The following DORIP1 variants were observed in gnomAD, a reference collection of about 807,000 sequenced individuals.
DORIP1 encodes dopamine receptor-interacting protein 1.
chr14:44,905,274 G>A, the DORIP1 span: 2 of 828,746 alleles, frequency 2.4e-6, no homozygotes, highest in Admixed American at 5.4e-5. Context: ...TACAAACAAT[G>A]TCAATGTTTT....
At chr14:44,900,961 T>C in the DORIP1 span, 1 of 1,558,960 alleles carries the variant, frequency 6.4e-7, no homozygotes, top group East Asian at 2.3e-5. Flanking sequence ...TAATATAAAG[T>C]AAGTTGGTCT....
the DORIP1 span, among the ~76,000 whole-genome samples, chr14:44,902,232 G>A: frequency 3.9e-5 from 6 of 152,048 alleles, no homozygotes; most frequent in Non-Finnish European, 5.9e-5. Flanking sequence ...TTGAACTCCC[G>A]GGCTCAAGTG....
At chr14:44,898,640 T>C in the DORIP1 span, among the ~76,000 whole-genome samples, 2 of 152,222 alleles carry the variant, frequency 1.3e-5, no homozygotes, top group African/African-American at 4.8e-5. Context: ...AATCAGTATC[T>C]ATTACGAAGA....
chr14:44,904,294 A>G, the DORIP1 span: 2 of 1,495,878 alleles, frequency 1.3e-6, no homozygotes, highest in Non-Finnish European at 1.8e-6. Flanking sequence ...CACCTATAAT[A>G]GATAATTATA....
chr14:44,900,705 C>G, the DORIP1 span: 2 of 1,613,998 alleles, frequency 1.2e-6, no homozygotes, highest in African/African-American at 2.7e-5. Flanking sequence ...AGTTTGTAGA[C>G]TGTTTTCTTT....
the DORIP1 span, chr14:44,899,129 AAGG>A: frequency 5.9e-5 from 9 of 152,258 alleles, no homozygotes; most frequent in Admixed American, 2.0e-4. Flanking sequence ...AAGTAAAGTG[AAGG>A]AGTTTTTTCA....
At chr14:44,904,030 A>C in the DORIP1 span, 6 of 983,840 alleles carry the variant, frequency 6.1e-6, no homozygotes, top group South Asian at 2.8e-4. Flanking sequence ...TCTAATGGCA[A>C]AAGGAAGCAA....
chr14:44,900,490 G>A, the DORIP1 span: 1 of 1,573,144 alleles, frequency 6.4e-7, no homozygotes, highest in Non-Finnish European at 8.6e-7. Context: ...CTATAACCAA[G>A]ATCGATCATT....
chr14:44,904,346 C>A, the DORIP1 span: 3 of 1,562,650 alleles, frequency 1.9e-6, no homozygotes, highest in Non-Finnish European at 2.6e-6. Flanking sequence ...GTGTTGAAAG[C>A]CAGCTTTGTC....
chr14:44,905,152 T>C, the DORIP1 span: 2 of 370,088 alleles, frequency 5.4e-6, no homozygotes, highest in Non-Finnish European at 4.8e-6. Flanking sequence ...AAAAGAAACA[T>C]ACAGGTTATA....
chr14:44,900,013 T>G, the DORIP1 span, among the ~76,000 whole-genome samples: 5 of 152,080 alleles, frequency 3.3e-5, no homozygotes, highest in African/African-American at 1.2e-4. Flanking sequence ...GTATTTTTAA[T>G]AGAGAGAGGG....
the DORIP1 span, chr14:44,900,523 G>A: frequency 6.3e-7 from 1 of 1,598,972 alleles, no homozygotes; most frequent in South Asian, 1.1e-5. Context: ...TCTTCCTTGG[G>A]GGGGTGTTTT....
chr14:44,900,551 G>A, the DORIP1 span: 431 of 1,608,238 alleles, frequency 2.7e-4, 1 homozygote, highest in African/African-American at 1.8e-3. Flanking sequence ...AAAGCTGGCC[G>A]CAAAGCAGTA....
chr14:44,900,903 C>G, the DORIP1 span: 1 of 1,611,366 alleles, frequency 6.2e-7, no homozygotes. Context: ...GTTACTGTTC[C>G]AACTGGCGAT....
At chr14:44,906,302 C>G in the DORIP1 span, 1 of 151,816 alleles carries the variant, frequency 6.6e-6, no homozygotes, top group Non-Finnish European at 1.5e-5. Flanking sequence ...TTGAAATGCT[C>G]TAATGTATTT....
the DORIP1 span, chr14:44,898,885 C>T: frequency 2.6e-5 from 4 of 152,228 alleles, no homozygotes; most frequent in African/African-American, 9.6e-5. Flanking sequence ...ATGTTTTGGA[C>T]TTAGTTTCTT....
the DORIP1 span, chr14:44,897,494 C>T: frequency 1.5e-5 from 3 of 206,368 alleles, no homozygotes; most frequent in Non-Finnish European, 2.8e-5. Flanking sequence ...GCGGCGGCGG[C>T]AGCCCGGGCT....
the DORIP1 span, chr14:44,899,188 T>C: frequency 6.6e-6 from 1 of 152,236 alleles, no homozygotes; most frequent in Non-Finnish European, 1.5e-5. Flanking sequence ...ATGTGCGCTA[T>C]ATAACATACA....
the DORIP1 span, chr14:44,904,575 T>A: frequency 6.6e-6 from 10 of 1,507,324 alleles, no homozygotes; most frequent in African/African-American, 1.4e-5. Flanking sequence ...ATAAAAAAAA[T>A]TTATCCTGTT....
Sources: allele counts gnomAD v4.1 joint callset (sites outside exome capture counted in the v4.1 genomes callset), GRCh38; gene constraint gnomAD v4.1.1; transcripts MANE v1.5; gene names NCBI Gene and HGNC (gene_info 2026-07-23, HGNC 2026-07-21).